The following BLNK variants were observed in gnomAD, a reference collection of about 807,000 sequenced individuals.
The protein encoded by BLNK is B cell linker.
In BLNK, 29 loss-of-function variants were observed where a neutral mutation model predicts 73.5. The observed-to-expected ratio is 0.39, with a 90% CI of 0.29 to 0.54. BLNK has a LOEUF of 0.54. Among genes scored for constraint, BLNK ranks in the 20% least tolerant of loss-of-function variants. The pLI is 0.61. For synonymous variants in BLNK, 176 were observed against 200.8 expected (o/e 0.88, Z 1.04); for missense variants, 460 against 562.8 (o/e 0.82, Z 1.85).
At chr10:96,204,762 G>A in intron 11 of BLNK, 146 bp from the exon 12 acceptor site, 1 of 716,012 alleles carries the variant, frequency 1.4e-6, no homozygotes, top group East Asian at 2.9e-5. Flanking sequence ...ATGGATCTGT[G>A]CACTTGCCAG....
intron 1 of BLNK, among the ~76,000 whole-genome samples, chr10:96,263,452 A>G (rs890181047): frequency 4.6e-5 from 7 of 152,228 alleles, no homozygotes; most frequent in African/African-American, 1.7e-4. Context: ...ATGTCCCTCA[A>G]GCTGGCTTCT....
chr10:96,247,787 G>A (rs192504637), intron 1 of BLNK, among the ~76,000 whole-genome samples: 8 of 152,284 alleles, frequency 5.3e-5, no homozygotes, highest in African/African-American at 1.7e-4. Context: ...CTTAACTTCA[G>A]CGTCTGATTG....
chr10:96,216,550 G>T (rs1249194425), intron 7 of BLNK, 103 bp downstream of exon 7: 7 of 999,376 alleles, frequency 7.0e-6, no homozygotes, highest in Admixed American at 1.9e-5. Context: ...GAAAGTCCTG[G>T]GCACTGTCAT....
intron 8 of BLNK, among the ~76,000 whole-genome samples, chr10:96,212,803 A>G (rs2083978893): frequency 6.6e-6 from 1 of 152,212 alleles, no homozygotes; most frequent in Non-Finnish European, 1.5e-5. Flanking sequence ...ATGGTTATTC[A>G]AAGACACAGG....
In BLNK at chr10:96,265,578, G is replaced by T. The variant is rs559466466; in HGVS notation, c.47+5774C>A. Among the ~76,000 whole-genome samples the T allele has an allele frequency of 3.9e-5, 6 of 152,208 alleles. No individual in the cohort carries two copies. In the South Asian group the frequency reaches 1.2e-3, roughly 32 times the overall value. On this transcript the variant is annotated intron_variant, in intron 1 of 16. Coordinates refer to ENST00000224337, the MANE Select transcript of BLNK (RefSeq NM_013314.4). ...AAAGGAACATCAAATTGAAATGCAG[G>T]CCTAAGGATTTATTGCCCCTCCTCT...
At chr10:96,204,686 T>A in intron 11 of BLNK, 70 bp from the exon 12 acceptor site, 1 of 1,505,392 alleles carries the variant, frequency 6.6e-7, no homozygotes, top group South Asian at 1.1e-5. Context: ...CCCAGCAACA[T>A]CAGCTGAGAA....
chr10:96,207,608 A>G (rs781784774), intron 10 of BLNK, among the ~76,000 whole-genome samples: 17 of 152,128 alleles, frequency 1.1e-4, no homozygotes, highest in Non-Finnish European at 2.2e-4. Context: ...AGGGCAGGGA[A>G]CCTGGCTGCC....
At chr10:96,198,850 CAT>C (rs1554895319) in intron 15 of BLNK, among the ~76,000 whole-genome samples, 1 of 152,226 alleles carries the variant, frequency 6.6e-6, no homozygotes, top group East Asian at 1.9e-4. Flanking sequence ...AGGCGCCCGC[CAT>C]CACGCCTGGC....
At chr10:96,205,851 G>A (rs2083787162) in intron 11 of BLNK, among the ~76,000 whole-genome samples, 2 of 152,302 alleles carry the variant, frequency 1.3e-5, no homozygotes, top group Middle Eastern at 3.4e-3. Context: ...TTCTTTCCTG[G>A]ATTTTGGAGG....
rs201454460 is a variant in BLNK, at chr10:96,197,079, TA to T, written c.1096-17del. The stretch of plus-strand genomic sequence containing the variant: ...ATGATCCATCCTGTTTAATTTTTTT[TA>T]AAAAACATAATTATGGTTAGTATTA... On this transcript the variant is annotated splice_polypyrimidine_tract_variant and intron_variant, in intron 15 of 16. Coordinates refer to ENST00000224337, the MANE Select transcript of BLNK (RefSeq NM_013314.4). 196 of 1,597,334 alleles carry T rather than the reference TA, an allele frequency of 1.2e-4. 1 individual carries two copies. The East Asian group carries it at 3.7e-3, about 30-fold the overall frequency.
chr10:96,230,974 T>C, intron 3 of BLNK, 140 bp from the exon 4 acceptor site: 1 of 777,364 alleles, frequency 1.3e-6, no homozygotes, highest in Admixed American at 2.4e-5. Context: ...GGTTAGTTAC[T>C]ACAATCATAT....
chr10:96,245,729 A>G (rs1215181820), intron 2 of BLNK, among the ~76,000 whole-genome samples: 1 of 152,230 alleles, frequency 6.6e-6, no homozygotes, highest in African/African-American at 2.4e-5. Context: ...CGCATGCACT[A>G]TGATACCATT....
At chr10:96,196,320 G>A (rs1554894663) in intron 16 of BLNK, among the ~76,000 whole-genome samples, 1 of 152,140 alleles carries the variant, frequency 6.6e-6, no homozygotes, top group African/African-American at 2.4e-5. Context: ...TCATTTATAG[G>A]AGCAGGCTGG....
chr10:96,199,443 A>G (rs587752886), intron 15 of BLNK: 64 of 453,462 alleles, frequency 1.4e-4, no homozygotes, highest in South Asian at 9.9e-4. Flanking sequence ...TTCACTCCTC[A>G]GTGGAGCTCA....
intron 15 of BLNK, among the ~76,000 whole-genome samples, chr10:96,198,908 A>G (rs1490945587): frequency 1.3e-5 from 2 of 152,226 alleles, no homozygotes; most frequent in Non-Finnish European, 2.9e-5. Flanking sequence ...CATCTTGGCC[A>G]GGCTGGTCTC....
chr10:96,264,407 C>T (rs1193325382), intron 1 of BLNK, among the ~76,000 whole-genome samples: 1 of 152,194 alleles, frequency 6.6e-6, no homozygotes, highest in Non-Finnish European at 1.5e-5. Flanking sequence ...GCCCTGCAAG[C>T]CTGGGGGCAG....
At chr10:96,192,200 C>T (rs2083343811) in intron 16 of BLNK, 108 bp from the exon 17 acceptor site, 4 of 1,447,556 alleles carry the variant, frequency 2.8e-6, no homozygotes, top group Non-Finnish European at 9.5e-7. Flanking sequence ...TATTACACCC[C>T]AGCTGACATT....
intron 2 of BLNK, 52 bp from the exon 3 acceptor site, chr10:96,242,836 C>A (rs781857822): frequency 3.4e-6 from 5 of 1,459,230 alleles, no homozygotes; most frequent in South Asian, 1.1e-5. Flanking sequence ...CAATGATGGT[C>A]AAAGCCGATG....
At chr10:96,210,104 A>G (rs1303211060) in intron 8 of BLNK, 197 bp from the exon 9 acceptor site, 2 of 651,894 alleles carry the variant, frequency 3.1e-6, no homozygotes, top group Non-Finnish European at 5.6e-6. Context: ...TAAAAGTGTC[A>G]GTGTATAAGC....
Sources: gnomAD v4.1 joint callset for allele counts (sites outside exome capture counted in the v4.1 genomes callset) on GRCh38, gnomAD v4.1.1 for gene constraint, MANE v1.5 for transcripts, NCBI Gene and HGNC (gene_info 2026-07-23, HGNC 2026-07-21) for gene names.